Variants in PER1 observed in about 807,000 individuals in gnomAD.
PER1 encodes period circadian protein homolog 1.
Under a neutral mutation model 125.9 loss-of-function variants are expected in PER1, and 87 were observed. The ratio of observed to expected loss-of-function variants is 0.69; its 90% confidence interval spans 0.58 to 0.83. PER1 has a LOEUF of 0.83. Among genes scored for constraint, PER1 ranks in the 40% least tolerant of loss-of-function variants. The pLI, the probability that PER1 is intolerant of heterozygous loss-of-function variation, is 0.00. For missense variants in PER1, 1,775 were observed against 1,722.8 expected, an observed-to-expected ratio of 1.03 and a Z score of -0.54; for synonymous variants, 801 against 714.7, an observed-to-expected ratio of 1.12 and a Z score of -1.93.
In PER1 at chr17:8,150,031, C is replaced by T. The variant is rs1567538338; in HGVS notation, c.469G>A (p.Gly157Ser). 6.2e-7 allele frequency: 1 copy of T among 1,614,186 alleles called. No individual in the cohort carries two copies. Among genetic ancestry groups the T allele is most frequent in the Non-Finnish European group, 8.5e-7 (1 of 1,180,034 alleles). The change falls in exon 4 of 23, where the codon GGC (glycine) becomes AGC (serine). Residue 157 changes from glycine to serine, a missense_variant. Coordinates refer to ENST00000317276, the MANE Select transcript of PER1 (RefSeq NM_002616.3). ...AGCGTGGCCAGGGTCCCAGAGCGGC[C>T]CTTGCCCCGGCGCTCTGGCGGCAGT... ...LRLPPERRGK[G>S]RSGTLATLQY...
chr17:8,144,197 C>G (rs2151859787), intron 18 of PER1: 1 of 416,248 alleles, frequency 2.4e-6, no homozygotes, highest in East Asian at 3.8e-5. Flanking sequence ...GGACAGATGG[C>G]TCTGGTCCGC....
chr17:8,140,579 G>A lies in PER1; in HGVS notation c.*489C>T, dbSNP rs906875049. Reference sequence around the variant, plus strand: ...TGAGAACGCCTGGGTCCCACCTGAGGGGCAGCACCAGGGACTCCATGGTCC... The same window carrying A: ...TGAGAACGCCTGGGTCCCACCTGAGAGGCAGCACCAGGGACTCCATGGTCC... On this transcript the variant is annotated 3_prime_UTR_variant, in exon 23 of 23. Coordinates refer to ENST00000317276, the MANE Select transcript of PER1 (RefSeq NM_002616.3). 4 of 235,610 alleles carry A rather than the reference G, an allele frequency of 1.7e-5. No individual in the cohort carries two copies. Among genetic ancestry groups the A allele is most frequent in the African/African-American group, 6.6e-5 (3 of 45,260 alleles). 14.6% of individuals were successfully genotyped at this position (235,610 alleles called of 1,614,324 possible).
chr17:8,149,406 A>G (rs998323617), intron 6 of PER1, 56 bp downstream of exon 6: 2 of 1,606,304 alleles, frequency 1.2e-6, no homozygotes, highest in Admixed American at 1.7e-5. Context: ...CCGGCCCCTC[A>G]CAGCAGGAAT....
intron 18 of PER1, 160 bp downstream of exon 18, chr17:8,144,591 G>T: frequency 1.1e-6 from 1 of 950,956 alleles, no homozygotes; most frequent in Non-Finnish European, 1.5e-6. Flanking sequence ...ATCCTAGTGG[G>T]GAGAAGCTAG....
At position 8,146,900 on chromosome 17, in the gene PER1, G is replaced by C. The variant is rs2151860775; in HGVS notation, c.1732C>G (p.Pro578Ala). The change falls in exon 14 of 23, where the codon CCT (proline) becomes GCT (alanine). Residue 578 changes from proline to alanine, a missense_variant. By Grantham distance (27) the Pro-to-Ala change is conservative. Transcript: ENST00000317276. ...CCACACATCATCATCAACTCACCAG[G>C]GAGGCGGGGCCGGGACTGAGGCCGG... ...RARPQSRPRLPATGTFKAKAL... is the reference protein window; with the variant it reads ...RARPQSRPRLAATGTFKAKAL... 1 of 1,613,752 alleles carries C rather than the reference G, an allele frequency of 6.2e-7. No homozygotes were observed. Among genetic ancestry groups the C allele is most frequent in the Non-Finnish European group, 8.5e-7 (1 of 1,179,822 alleles).
chr17:8,145,038 G>T (rs768526664), intron 17 of PER1, 45 bp from the exon 18 acceptor site: 2 of 1,431,362 alleles, frequency 1.4e-6, no homozygotes, highest in Non-Finnish European at 9.2e-7. Flanking sequence ...CCACTTCAGG[G>T]GTCAACACAT....
chr17:8,142,494 C>T (rs773161572), intron 20 of PER1, 36 bp from the exon 21 acceptor site: 5 of 1,550,698 alleles, frequency 3.2e-6, no homozygotes, highest in East Asian at 4.5e-5. Context: ...GGAGTCAGGC[C>T]GGCTGCATGC....
rs910926337 is a variant in PER1 at position 8,150,322 on chromosome 17, G to A, written c.276-5C>T. On this transcript the variant is annotated splice_polypyrimidine_tract_variant and splice_region_variant and intron_variant, in intron 2 of 22. Transcript: ENST00000317276. ...GATGGGCTCTGAGAGTTTGTGCTAG[G>A]AGACAGCAACAGGCCCAGTTACAGG... 1 of 1,548,960 alleles carries A rather than the reference G, an allele frequency of 6.5e-7. No homozygotes were observed. The highest frequency in any genetic ancestry group is 8.7e-7 in the Non-Finnish European group (1 of 1,145,566).
chr17:8,147,866 G>A (rs764633298), intron 10 of PER1, 39 bp from the exon 11 acceptor site: 4 of 1,611,380 alleles, frequency 2.5e-6, no homozygotes, highest in Non-Finnish European at 3.4e-6. Context: ...CAAAGGGAGG[G>A]AGAGCTGAGT....
At chr17:8,147,044 C>A in intron 13 of PER1, 42 bp from the exon 14 acceptor site, 2 of 1,547,096 alleles carry the variant, frequency 1.3e-6, no homozygotes, top group South Asian at 2.3e-5. Context: ...CAGGGGGTGT[C>A]GCCAGTGTCA....
At chr17:8,151,888 G>T (rs1298816637) in intron 1 of PER1, among the ~76,000 whole-genome samples, 1 of 152,222 alleles carries the variant, frequency 6.6e-6, no homozygotes. Flanking sequence ...GGAAGGTTGT[G>T]GCCAACAGCA....
In PER1 at chr17:8,149,441, C is replaced by A. The variant is rs202135220; in HGVS notation, c.853+21G>T. On this transcript the variant is annotated intron_variant, in intron 6 of 22. Coordinates refer to ENST00000317276, the MANE Select transcript of PER1 (RefSeq NM_002616.3). Reference sequence around the variant, plus strand: ...TTTCCTGGGACTGCTCATGCCTCCCCACAGCGCTTGGGCACCTCACCTGCT... The same window carrying A: ...TTTCCTGGGACTGCTCATGCCTCCCAACAGCGCTTGGGCACCTCACCTGCT... 4.7e-5 allele frequency: 75 copies of A among 1,610,380 alleles called. No homozygotes were observed. The African/African-American group carries it at 9.6e-4, about 21-fold the overall frequency.
chr17:8,148,650 A>G lies in PER1; in HGVS notation c.1042T>C (p.Tyr348His). The change falls in exon 8 of 23, where the codon TAC (tyrosine) becomes CAC (histidine). Residue 348 changes from tyrosine (Y) to histidine (H), a missense_variant. Tyr to His is a moderately conservative substitution (Grantham distance 83). Coordinates refer to ENST00000317276, the MANE Select transcript of PER1 (RefSeq NM_002616.3). ...AGGGCCCTGACCTGCCCACCTTCGT[A>G]ACCCGAATGGATGCGCTCTGCAATC... Reference protein sequence around the residue: ...LLIAERIHSGYEAPRIPPDKR... With the variant: ...LLIAERIHSGHEAPRIPPDKR... 6.2e-7 allele frequency: 1 copy of G among 1,604,844 alleles called. No homozygotes were observed. The highest frequency in any genetic ancestry group is 1.7e-4 in the Middle Eastern group (1 of 6,004).
Position 8,146,008 on chromosome 17 carries a change from C to G in PER1, c.2168G>C (p.Ser723Thr), listed in dbSNP as rs1365339845. 6.2e-7 allele frequency: 1 copy of G among 1,613,838 alleles called. No individual in the cohort carries two copies. The highest frequency in any genetic ancestry group is 8.5e-7 in the Non-Finnish European group (1 of 1,179,826). ...CACATGGACGATGGTGGAGCTGAAGCTACACTGACTGGTGACGGACACCAC... is the reference window on the plus strand; with the variant it reads ...CACATGGACGATGGTGGAGCTGAAGGTACACTGACTGGTGACGGACACCAC... ...ESVVSVTSQC[S>T]FSSTIVHVGD... The change falls in exon 17 of 23, where the codon AGC becomes ACC. Residue 723 changes from serine (S) to threonine (T), a missense_variant. Coordinates refer to ENST00000317276, the MANE Select transcript of PER1 (RefSeq NM_002616.3).
chr17:8,146,710 C>T lies in PER1; in HGVS notation c.1791G>A (p.Leu597=), dbSNP rs1341699036. The T allele has an allele frequency of 1.2e-6, 2 of 1,613,864 alleles. No homozygotes were observed. The highest frequency in any genetic ancestry group is 4.5e-5 in the East Asian group (2 of 44,876). ...CCTGGACGGGAGCAGAACCCGCCTC[C>T]AGCTCTGGGTCTGGGGATTGGCAGG... ...ALPCQSPDPE[L]EAGSAPVQAP... The change falls in exon 15 of 23, where the codon CTG becomes CTA. Residue 597 remains leucine (L), a synonymous_variant. Coordinates refer to ENST00000317276, the MANE Select transcript of PER1 (RefSeq NM_002616.3).
In PER1 at chr17:8,149,894, T is replaced by C; in HGVS notation, c.530-18A>G. The C allele has an allele frequency of 6.2e-7, 1 of 1,614,094 alleles. No individual in the cohort carries two copies. Among genetic ancestry groups the C allele is most frequent in the South Asian group, 1.1e-5 (1 of 91,086 alleles). ...CTGGTTGGCTGCAGAGTGGAGGCAG[T>C]GAGGCATTCAGTAAGGAGGCTGCCT... On this transcript the variant is annotated intron_variant, in intron 4 of 22. Coordinates refer to ENST00000317276, the MANE Select transcript of PER1 (RefSeq NM_002616.3).
Position 8,146,735 on chromosome 17 carries a change from G to A in PER1, c.1766C>T (p.Pro589Leu). Residue 589 changes from proline to leucine, a missense_variant, in exon 15 of 23, where the codon CCC (proline) becomes CTC (leucine). Transcript: ENST00000317276. ...CAGCTCTGGGTCTGGGGATTGGCAG[G>A]GAAGGGCCTTGGCCTTGAACGTGCC... is the stretch of plus-strand genomic sequence containing the variant. ...ATGTFKAKAL[P>L]CQSPDPELEA... 1.2e-6 allele frequency: 2 copies of A among 1,613,848 alleles called. No homozygotes were observed. The highest frequency in any genetic ancestry group is 1.7e-6 in the Non-Finnish European group (2 of 1,179,932).
Position 8,149,971 on chromosome 17 carries a change from C to A in PER1, c.529G>T (p.Ala177Ser). The A allele has an allele frequency of 6.2e-7, 1 of 1,613,472 alleles. No individual in the cohort carries two copies. Reference protein sequence around the residue: ...YALACVKQVQANQEYYQQWSL... With the variant: ...YALACVKQVQSNQEYYQQWSL... ...TTCCCTCTTGGGACACACCACTTAC[C>A]CTGCACCTGCTTGACACAGGCCAGT... Residue 177 changes from alanine (A) to serine (S), a missense_variant and splice_region_variant, in exon 4 of 23, where the codon GCC (alanine) becomes TCC (serine). By Grantham distance (99) the Ala-to-Ser change is moderately conservative. Coordinates refer to ENST00000317276, the MANE Select transcript of PER1 (RefSeq NM_002616.3).
chr17:8,152,385 C>G lies in PER1; in HGVS notation c.-188G>C, dbSNP rs1982909018. The G allele has an allele frequency of 6.6e-6, 1 of 152,580 alleles. No individual in the cohort carries two copies. 9.5% of individuals were successfully genotyped at this position (152,580 alleles called of 1,614,324 possible). ...ACGCCTGCCCGCCGCCGCTCCAGCC[C>G]GCAGCCGAGTGGAAGCTCCACCGGG... On this transcript the variant is annotated 5_prime_UTR_variant, in exon 1 of 23. Transcript: ENST00000317276.
Sources: allele counts gnomAD v4.1 joint callset (sites outside exome capture counted in the v4.1 genomes callset), GRCh38; gene constraint gnomAD v4.1.1; transcripts MANE v1.5; gene names NCBI Gene and HGNC (gene_info 2026-07-23, HGNC 2026-07-21).